The following CNTNAP4 variants were observed in gnomAD, a reference collection of about 807,000 sequenced individuals.
CNTNAP4 encodes the protein contactin-associated protein-like 4.
Under a neutral mutation model 148.4 loss-of-function variants are expected in CNTNAP4, and 98 were observed. That is an observed-to-expected ratio of 0.66 (90% CI 0.56 to 0.78). The LOEUF (loss-of-function observed/expected upper bound fraction) is 0.78, where lower values mean the gene tolerates loss of function less well. Ranked by LOEUF, CNTNAP4 falls within the 30% of genes least tolerant of loss-of-function variation. The probability of loss-of-function intolerance (pLI) is 0.00; values close to 1 mark genes in which losing one functional copy is unlikely to be tolerated. For synonymous variants in CNTNAP4, 730 were observed against 565.1 expected (o/e 1.29, Z -4.14); for missense variants, 1,935 against 1,565.6 (o/e 1.24, Z -3.98).
At chr16:76,443,309 T>A (rs572577110) in intron 4 of CNTNAP4, among the ~76,000 whole-genome samples, 380 of 152,312 alleles carry the variant, frequency 2.5e-3, no homozygotes, top group African/African-American at 8.3e-3. Context: ...AGATTTCACA[T>A]TTTTCCTATG....
chr16:76,383,003 G>A (rs1403377796), intron 3 of CNTNAP4, among the ~76,000 whole-genome samples: 1 of 152,070 alleles, frequency 6.6e-6, no homozygotes, highest in Non-Finnish European at 1.5e-5. Context: ...ATTAATGAAT[G>A]CCTTATAGAA....
At chr16:76,346,333 T>C (rs1350548566) in intron 2 of CNTNAP4, among the ~76,000 whole-genome samples, 2 of 144,890 alleles carry the variant, frequency 1.4e-5, no homozygotes, top group Non-Finnish European at 1.5e-5. Context: ...ATGATGTCTG[T>C]TGGGTACAGG....
At chr16:76,385,161 C>G (rs925948843) in intron 3 of CNTNAP4, among the ~76,000 whole-genome samples, 1 of 152,014 alleles carries the variant, frequency 6.6e-6, no homozygotes, top group Admixed American at 6.6e-5. Flanking sequence ...GTTGATTTGC[C>G]TTGATGCTTA....
chr16:76,416,540 G>A (rs1381113078), intron 3 of CNTNAP4, among the ~76,000 whole-genome samples: 1 of 150,656 alleles, frequency 6.6e-6, no homozygotes, highest in East Asian at 1.9e-4. Context: ...CAGATGTTTA[G>A]GAACTTTCTA....
At chr16:76,419,494 G>A (rs748758101) in intron 3 of CNTNAP4, among the ~76,000 whole-genome samples, 2 of 151,926 alleles carry the variant, frequency 1.3e-5, no homozygotes, top group Non-Finnish European at 2.9e-5. Flanking sequence ...TAAGACTGTG[G>A]TCAGGAACTT....
chr16:76,344,718 A>G (rs886435699), intron 2 of CNTNAP4, among the ~76,000 whole-genome samples: 7 of 152,166 alleles, frequency 4.6e-5, no homozygotes, highest in Non-Finnish European at 5.9e-5. Context: ...TCCAGAGACT[A>G]TTTTCCGTGT....
intron 3 of CNTNAP4, among the ~76,000 whole-genome samples, chr16:76,423,980 A>C (rs1036658344): frequency 1.3e-5 from 2 of 152,140 alleles, no homozygotes; most frequent in African/African-American, 4.8e-5. Context: ...TTTGACTGGA[A>C]TGTGCTGTAA....
rs1392684631 is a variant in CNTNAP4 at position 76,496,530 on chromosome 16, C to T, written c.2237+1464C>T. On this transcript the variant is annotated intron_variant, in intron 14 of 23. Coordinates refer to ENST00000611870, the MANE Select transcript of CNTNAP4 (RefSeq NM_033401.5). The stretch of plus-strand genomic sequence containing the variant: ...CTACTTGAAATAAGCAGAAAGTAAC[C>T]AAATGTTGGCAGAAACTGCCCATGT... Among the ~76,000 whole-genome samples the T allele has an allele frequency of 3.9e-5, 6 of 151,984 alleles. No homozygotes were observed. In the East Asian group the frequency reaches 9.7e-4, roughly 25 times the overall value.
Position 76,419,167 on chromosome 16 carries a change from G to C in CNTNAP4, c.391-8285G>C, listed in dbSNP as rs146507986. 8.6e-4 allele frequency among the ~76,000 whole-genome samples: 131 copies of C among 151,968 alleles called. No individual in the cohort carries two copies. The South Asian group carries it at 8.7e-3, about 10-fold the overall frequency. On this transcript the variant is annotated intron_variant, in intron 3 of 23. Transcript: ENST00000611870. ...GGTATAGCTTTTTTCCCTCCTGCCA[G>C]CTACTGTCTTTCCTGGCTACTAGGT...
intron 3 of CNTNAP4, among the ~76,000 whole-genome samples, chr16:76,421,656 A>T (rs900928757): frequency 6.6e-6 from 1 of 151,174 alleles, no homozygotes; most frequent in South Asian, 2.1e-4. Context: ...ATTTGACAGC[A>T]TGTTGCTATG....
intron 3 of CNTNAP4, among the ~76,000 whole-genome samples, chr16:76,389,673 G>T (rs2016799761): frequency 6.6e-6 from 1 of 151,786 alleles, no homozygotes; most frequent in Non-Finnish European, 1.5e-5. Context: ...TGTTGTCCAG[G>T]CTGGTCTTGA....
chr16:76,522,059 T>C lies in CNTNAP4; in HGVS notation c.2557T>C (p.Ser853Pro). ...ELRSPTVVTF[S>P]FDVGNGPFEI... ...TCCAGCTCCGACAGTAGTGACTTTTTCATTTGATGTGGGGAATGGGCCTTT... is the reference window on the plus strand; with the variant it reads ...TCCAGCTCCGACAGTAGTGACTTTTCCATTTGATGTGGGGAATGGGCCTTT... The change falls in exon 17 of 24, where the codon TCA (serine) becomes CCA (proline). Residue 853 changes from serine (S) to proline (P), a missense_variant. Coordinates refer to ENST00000611870, the MANE Select transcript of CNTNAP4 (RefSeq NM_033401.5). 1 of 1,613,950 alleles carries C rather than the reference T, an allele frequency of 6.2e-7. No individual in the cohort carries two copies. The highest frequency in any genetic ancestry group is 8.5e-7 in the Non-Finnish European group (1 of 1,179,812).
chr16:76,345,454 T>C (rs1304634693), intron 2 of CNTNAP4, among the ~76,000 whole-genome samples: 1 of 152,168 alleles, frequency 6.6e-6, no homozygotes, highest in Non-Finnish European at 1.5e-5. Flanking sequence ...TATTCAAAAG[T>C]ATTGTGACAG....
intron 15 of CNTNAP4, among the ~76,000 whole-genome samples, chr16:76,520,897 T>C (rs1290285921): frequency 6.6e-6 from 1 of 152,192 alleles, no homozygotes; most frequent in Non-Finnish European, 1.5e-5. Context: ...TTTAGACCAT[T>C]TCTGTAATGA....
At chr16:76,497,073 G>T (rs1015330835) in intron 14 of CNTNAP4, among the ~76,000 whole-genome samples, 3 of 152,100 alleles carry the variant, frequency 2.0e-5, no homozygotes, top group African/African-American at 7.2e-5. Context: ...AGAAATAATG[G>T]ATGAAAACTC....
At chr16:76,315,081 T>C (rs1451272045) in intron 1 of CNTNAP4, among the ~76,000 whole-genome samples, 1 of 147,220 alleles carries the variant, frequency 6.8e-6, no homozygotes, top group Non-Finnish European at 1.5e-5. Context: ...TTTTGTGTTG[T>C]TGTTGTTTCT....
chr16:76,442,435 G>A (rs904703757), intron 4 of CNTNAP4, among the ~76,000 whole-genome samples: 1 of 152,060 alleles, frequency 6.6e-6, no homozygotes, highest in Admixed American at 6.6e-5. Flanking sequence ...CTTTTATGTT[G>A]CTATAACAGA....
intron 10 of CNTNAP4, among the ~76,000 whole-genome samples, chr16:76,473,737 G>T (rs1258863441): frequency 6.6e-6 from 1 of 152,124 alleles, no homozygotes; most frequent in African/African-American, 2.4e-5. Context: ...TCGCGCCACT[G>T]CACTACAGCC....
At chr16:76,447,925 G>T in intron 4 of CNTNAP4, 87 bp from the exon 5 acceptor site, 1 of 926,496 alleles carries the variant, frequency 1.1e-6, no homozygotes, top group South Asian at 1.5e-5. Flanking sequence ...TACGTATACT[G>T]CCTTTTCTCA....
Sources: gnomAD v4.1 joint callset for allele counts (sites outside exome capture counted in the v4.1 genomes callset) on GRCh38, gnomAD v4.1.1 for gene constraint, MANE v1.5 for transcripts, NCBI Gene and HGNC (gene_info 2026-07-23, HGNC 2026-07-21) for gene names.